The following PIP4K2A variants were observed in gnomAD, a reference collection of about 807,000 sequenced individuals.
PIP4K2A encodes the protein phosphatidylinositol-5-phosphate 4-kinase type 2 alpha.
Under a neutral mutation model 42.9 loss-of-function variants are expected in PIP4K2A, and 14 were observed. The ratio of observed to expected loss-of-function variants is 0.33; its 90% CI spans 0.22 to 0.51. The LOEUF is 0.51. Ranked by LOEUF, PIP4K2A falls within the 20% of genes least tolerant of loss-of-function variation. The probability of loss-of-function intolerance (pLI) is 0.97; values close to 1 mark genes in which losing one functional copy is unlikely to be tolerated. For missense variants in PIP4K2A, 434 were observed against 519.8 expected (o/e 0.83, Z 1.61); for synonymous variants, 192 against 192.2 (o/e 1.00, Z 0.01).
At chr10:22,616,238 C>T (rs1023342141) in intron 1 of PIP4K2A, among the ~76,000 whole-genome samples, 25 of 152,050 alleles carry the variant, frequency 1.6e-4, no homozygotes, top group Admixed American at 8.5e-4. Flanking sequence ...GGGAGGAAGC[C>T]GGGGAGAGCT....
At chr10:22,672,417 AGT>A (rs1267879229) in intron 1 of PIP4K2A, among the ~76,000 whole-genome samples, 3 of 152,374 alleles carry the variant, frequency 2.0e-5, no homozygotes, top group African/African-American at 7.2e-5. Context: ...ATTTGTCTAT[AGT>A]GATTTAATCT....
At position 22,660,701 on chromosome 10, in the gene PIP4K2A, T is replaced by C. The variant is rs61443631; in HGVS notation, c.145-50984A>G. ...AAGAACCTAACCTTAATTTCAAATA[T>C]AGCCTTTCCTTACATTTTTCTTTAA... On this transcript the variant is annotated intron_variant, in intron 1 of 9. Transcript: ENST00000376573. Among the ~76,000 whole-genome samples the C allele has an allele frequency of 2.0e-3, 301 of 152,248 alleles. 2 individuals are homozygous for C. The highest frequency in any genetic ancestry group is 6.6e-3 in the African/African-American group (273 of 41,544).
At chr10:22,568,464 C>T (rs565084514) in intron 5 of PIP4K2A, among the ~76,000 whole-genome samples, 2 of 152,326 alleles carry the variant, frequency 1.3e-5, no homozygotes, top group Admixed American at 6.5e-5. Flanking sequence ...CCCCCACAGC[C>T]ACTCTCTGAC....
At chr10:22,612,893 GTGTATC>G (rs1288370345) in intron 1 of PIP4K2A, among the ~76,000 whole-genome samples, 1 of 152,318 alleles carries the variant, frequency 6.6e-6, no homozygotes, top group East Asian at 1.9e-4. Flanking sequence ...ATAAAAATGT[GTGTATC>G]TGTGCATCAG....
chr10:22,709,003 C>CA (rs1833867668), intron 1 of PIP4K2A, among the ~76,000 whole-genome samples: 2 of 152,066 alleles, frequency 1.3e-5, no homozygotes, highest in Non-Finnish European at 2.9e-5. Context: ...AGGCTGGTCT[C>CA]AAAATCTTGG....
At chr10:22,643,969 A>T (rs1258866534) in intron 1 of PIP4K2A, among the ~76,000 whole-genome samples, 1 of 152,146 alleles carries the variant, frequency 6.6e-6, no homozygotes, top group African/African-American at 2.4e-5. Context: ...TCTGCAGTGC[A>T]ATGGCTCTCA....
At chr10:22,544,380 T>C (rs1836208353) in intron 7 of PIP4K2A, among the ~76,000 whole-genome samples, 1 of 152,186 alleles carries the variant, frequency 6.6e-6, no homozygotes, top group Admixed American at 6.5e-5. Context: ...CCAAGGCCTC[T>C]GGGCTGCTGG....
intron 5 of PIP4K2A, 74 bp from the exon 6 acceptor site, chr10:22,567,963 G>C (rs1836889534): frequency 7.4e-7 from 1 of 1,349,754 alleles, no homozygotes; most frequent in Non-Finnish European, 1.1e-6. Flanking sequence ...TATGAAAATG[G>C]CTCCAGGCGG....
intron 1 of PIP4K2A, among the ~76,000 whole-genome samples, chr10:22,712,545 C>T (rs565580916): frequency 2.0e-5 from 3 of 152,260 alleles, no homozygotes; most frequent in South Asian, 4.2e-4. Context: ...AAACTACTAA[C>T]ATAAATAATA....
rs763660754 is a variant in PIP4K2A at position 22,714,316 on chromosome 10, G to A, written c.11C>T (p.Pro4Leu). 5 of 1,605,288 alleles carry A rather than the reference G, an allele frequency of 3.1e-6. No homozygotes were observed. Among genetic ancestry groups the A allele is most frequent in the Non-Finnish European group, 3.4e-6 (4 of 1,175,790 alleles). ...CAGGACAGAGGACCCTAGGTTGCCG[G>A]GGGTCGCCATGGCCGCCTCCTATGT... Reference protein sequence around the residue: MATPGNLGSSVLAS... With the variant: MATLGNLGSSVLAS... Residue 4 changes from proline to leucine, a missense_variant, in exon 1 of 10, where the codon CCC (proline) becomes CTC (leucine). Around this residue, in one of 2 missense-constraint regions of PIP4K2A, gnomAD observed 395 missense variants for 444.5 expected, o/e 0.89. Transcript: ENST00000376573.
intron 1 of PIP4K2A, among the ~76,000 whole-genome samples, chr10:22,708,626 A>T (rs890783748): frequency 6.6e-6 from 1 of 152,092 alleles, no homozygotes; most frequent in Non-Finnish European, 1.5e-5. Flanking sequence ...CATCACATAC[A>T]GTTGGGGCTG....
intron 1 of PIP4K2A, among the ~76,000 whole-genome samples, chr10:22,617,584 A>G (rs1214387086): frequency 1.3e-5 from 2 of 152,258 alleles, no homozygotes; most frequent in African/African-American, 4.8e-5. Context: ...AGCCTCTCAC[A>G]TGTAGAGGAG....
At chr10:22,602,635 C>T (rs889966610) in intron 3 of PIP4K2A, among the ~76,000 whole-genome samples, 7 of 152,012 alleles carry the variant, frequency 4.6e-5, no homozygotes, top group South Asian at 2.1e-4. Flanking sequence ...TCCTGCCTTC[C>T]GCTTGGGCCC....
chr10:22,603,429 C>T (rs1369872786), intron 3 of PIP4K2A, among the ~76,000 whole-genome samples: 2 of 152,060 alleles, frequency 1.3e-5, no homozygotes, highest in African/African-American at 4.8e-5. Flanking sequence ...TCATGAAAAT[C>T]TGCACCCCTC....
chr10:22,713,221 G>A (rs1321171615), intron 1 of PIP4K2A, among the ~76,000 whole-genome samples: 1 of 152,202 alleles, frequency 6.6e-6, no homozygotes, highest in East Asian at 1.9e-4. Flanking sequence ...GGCTATTTCA[G>A]ACCCTCGAAC....
chr10:22,657,547 A>T (rs537682827), intron 1 of PIP4K2A, among the ~76,000 whole-genome samples: 13 of 152,232 alleles, frequency 8.5e-5, no homozygotes, highest in Non-Finnish European at 1.6e-4. Context: ...TCCCTATTCC[A>T]AAGCAAAGAC....
intron 1 of PIP4K2A, among the ~76,000 whole-genome samples, chr10:22,630,874 C>A (rs1317172783): frequency 4.6e-5 from 7 of 152,178 alleles, no homozygotes; most frequent in Non-Finnish European, 1.0e-4. Flanking sequence ...CCATCATCAT[C>A]CACCCAATTA....
At chr10:22,543,234 C>T (rs1365725187) in intron 7 of PIP4K2A, among the ~76,000 whole-genome samples, 1 of 152,170 alleles carries the variant, frequency 6.6e-6, no homozygotes. Flanking sequence ...GGGCACAGGG[C>T]TATCCCACTC....
rs952862462 is a variant in PIP4K2A at position 22,712,884 on chromosome 10, G to C, written c.144+1299C>G. ...GAAAAATACAAAAACGATGCTTTTA[G>C]GCATTTTAAACAACTTCACTACATT... is the stretch of plus-strand genomic sequence containing the variant. On this transcript the variant is annotated intron_variant, in intron 1 of 9. Transcript: ENST00000376573. Among the ~76,000 whole-genome samples, 9 of 151,876 alleles carry C rather than the reference G, an allele frequency of 5.9e-5. No individual in the cohort carries two copies. The East Asian group carries it at 9.7e-4, about 16-fold the overall frequency.
Sources: gnomAD v4.1 joint callset for allele counts (sites outside exome capture counted in the v4.1 genomes callset) on GRCh38, gnomAD v4.1.1 for gene constraint, gnomAD v4.1.1 regional missense constraint, MANE v1.5 for transcripts, NCBI Gene and HGNC (gene_info 2026-07-23, HGNC 2026-07-21) for gene names.